ZNF789: variants seen among roughly 807,000 people sequenced by gnomAD.
ZNF789 encodes the protein zinc finger protein 789.
ZNF789 carries 11 observed loss-of-function variants against 15.6 expected under a neutral mutation model. The observed-to-expected ratio is 0.70, with a 90% CI of 0.44 to 1.16. ZNF789 has a LOEUF of 1.16. Ranked by LOEUF, ZNF789 falls within the 50% of genes most tolerant of loss-of-function variation. The probability of loss-of-function intolerance (pLI) is 0.00; values close to 1 mark genes in which losing one functional copy is unlikely to be tolerated. For synonymous variants in ZNF789, 159 were observed against 176.0 expected, an observed-to-expected ratio of 0.90 and a Z score of 0.76; for missense variants, 461 against 512.6, an observed-to-expected ratio of 0.90 and a Z score of 0.97.
chr7:99,483,721 T>A (rs1265471318), intron 3 of ZNF789: 1 of 781,094 alleles, frequency 1.3e-6, no homozygotes, highest in Non-Finnish European at 2.4e-6. Flanking sequence ...GATTTAATTG[T>A]TCCCTTTTGA....
intron 2 of ZNF789, chr7:99,478,351 A>G (rs1370337793): frequency 7.8e-7 from 1 of 1,289,686 alleles, no homozygotes; most frequent in African/African-American, 1.5e-5. Context: ...GACACTCTGG[A>G]TAATGGTGAG....
Position 99,484,092 on chromosome 7 carries a change from C to T in ZNF789, c.214C>T (p.Leu72=). 1 of 1,614,074 alleles carries T rather than the reference C, an allele frequency of 6.2e-7. No homozygotes were observed. The highest frequency in any genetic ancestry group is 8.5e-7 in the Non-Finnish European group (1 of 1,180,004). ...QLENWDEQWI[L]DLPRTGNRKA... ...GGAGAACTGGGACGAGCAGTGGATCCTGGATCTACCGAGAACTGGGAATAG... is the reference window on the plus strand; with the variant it reads ...GGAGAACTGGGACGAGCAGTGGATCTTGGATCTACCGAGAACTGGGAATAG... Residue 72 remains leucine, a synonymous_variant, in exon 4 of 5, where the codon CTG becomes TTG. Transcript: ENST00000331410.
chr7:99,485,284 C>A, intron 4 of ZNF789: 1 of 1,377,016 alleles, frequency 7.3e-7, no homozygotes, highest in Non-Finnish European at 1.0e-6. Flanking sequence ...TCTTTGGGGA[C>A]AGGATGGGGC....
At position 99,487,441 on chromosome 7, in the gene ZNF789, A is replaced by G; in HGVS notation, c.1231A>G (p.Ser411Gly). The part of the protein sequence containing the change: ...ICGKSFKWHT[S>G]FIKHQGTHKG... ...TGGAAAATCTTTCAAGTGGCACACA[A>G]GCTTTATTAAGCACCAGGGCACTCA... Residue 411 changes from serine to glycine, a missense_variant, in exon 5 of 5, where the codon AGC becomes GGC. By Grantham distance (56) the Ser-to-Gly change is moderately conservative. Transcript: ENST00000331410. 1 of 1,614,232 alleles carries G rather than the reference A, an allele frequency of 6.2e-7. No homozygotes were observed.
Position 99,479,254 on chromosome 7 carries a change from C to T in ZNF789, c.25-407C>T, listed in dbSNP as rs148067335. 5.1e-3 allele frequency: 833 copies of T among 163,754 alleles called. 6 individuals are homozygous for T. The highest frequency in any genetic ancestry group is 0.019 in the African/African-American group (794 of 41,926). The allele number at this position is 163,754 out of a possible 1,614,324, so 10.1% of individuals were successfully genotyped here. On this transcript the variant is annotated intron_variant, in intron 2 of 4. Coordinates refer to ENST00000331410, the MANE Select transcript of ZNF789 (RefSeq NM_213603.3). Reference sequence around the variant, plus strand: ...CAGCGGTCAGCAAACTGCCCTGGACCGCTTGGTAAAGTTTCCCTGAAACAC... The same window carrying T: ...CAGCGGTCAGCAAACTGCCCTGGACTGCTTGGTAAAGTTTCCCTGAAACAC...
intron 1 of ZNF789, among the ~76,000 whole-genome samples, chr7:99,474,057 G>A (rs900777730): frequency 6.6e-6 from 1 of 152,168 alleles, no homozygotes; most frequent in African/African-American, 2.4e-5. Context: ...CATGGCTGTG[G>A]GTGGTTGGCC....
At chr7:99,476,302 A>T in intron 1 of ZNF789, 101 bp from the exon 2 acceptor site, 2 of 691,996 alleles carry the variant, frequency 2.9e-6, no homozygotes, top group Non-Finnish European at 4.7e-6. Flanking sequence ...ACTTTGTATT[A>T]AGCTTTGTCT....
chr7:99,475,612 G>C (rs1799287127), intron 1 of ZNF789, among the ~76,000 whole-genome samples: 1 of 152,034 alleles, frequency 6.6e-6, no homozygotes, highest in Non-Finnish European at 1.5e-5. Context: ...ACTAGACTCG[G>C]ACATCCTGTG....
intron 3 of ZNF789, chr7:99,482,092 T>C (rs1799664732): frequency 1.3e-6 from 1 of 775,344 alleles, no homozygotes; most frequent in African/African-American, 1.7e-5. Context: ...TTCACTTATG[T>C]TTCATATACA....
At position 99,487,543 on chromosome 7, in the gene ZNF789, G is replaced by A; in HGVS notation, c.*55G>A. On this transcript the variant is annotated 3_prime_UTR_variant, in exon 5 of 5. Transcript: ENST00000331410. ...TAGAACTTATAAACCTCTACTTCAA[G>A]TGTGTATCACGTAATTGTTTCCATG... 1 of 1,540,038 alleles carries A rather than the reference G, an allele frequency of 6.5e-7. No individual in the cohort carries two copies. Among genetic ancestry groups the A allele is most frequent in the Non-Finnish European group, 8.8e-7 (1 of 1,142,010 alleles).
At position 99,478,395 on chromosome 7, in the gene ZNF789, T is replaced by C. The variant is rs141932766; in HGVS notation, c.25-1266T>C. ...TGCAACCGTAGCAGTGGAACTCAGG[T>C]TTGATAGGCAGGAAAGAAAGTCCGT... is the stretch of plus-strand genomic sequence containing the variant. On this transcript the variant is annotated intron_variant, in intron 2 of 4. Transcript: ENST00000331410. 6.3e-3 allele frequency: 8,038 copies of C among 1,282,236 alleles called. 38 individuals are homozygous for C. The highest frequency in any genetic ancestry group is 7.1e-3 in the Non-Finnish European group (6,949 of 982,300). 79.4% of individuals were successfully genotyped at this position (1,282,236 alleles called of 1,614,324 possible). A position where few individuals can be genotyped will look rare whatever the true frequency, so the allele number is the denominator to read the frequency against.
chr7:99,483,746 C>A, intron 3 of ZNF789: 2 of 781,044 alleles, frequency 2.6e-6, no homozygotes, highest in South Asian at 1.3e-5. Flanking sequence ...CAGTTTATTT[C>A]CAGTTTGATG....
At chr7:99,475,183 A>G (rs1799254705) in intron 1 of ZNF789, among the ~76,000 whole-genome samples, 1 of 152,150 alleles carries the variant, frequency 6.6e-6, no homozygotes, top group Admixed American at 6.5e-5. Flanking sequence ...ACCTGAGATC[A>G]GGAGTTCAAG....
intron 1 of ZNF789, among the ~76,000 whole-genome samples, chr7:99,473,393 G>C (rs1364897508): frequency 6.6e-6 from 1 of 152,146 alleles, no homozygotes; most frequent in African/African-American, 2.4e-5. Context: ...AGAGTTTATT[G>C]TGCATGCAGA....
At position 99,472,953 on chromosome 7, in the gene ZNF789, G is replaced by C. The variant is rs1383189086; in HGVS notation, c.-158G>C. The C allele has an allele frequency of 6.6e-6, 1 of 152,354 alleles. No individual in the cohort carries two copies. The highest frequency in any genetic ancestry group is 2.4e-5 in the African/African-American group (1 of 41,470). 9.4% of individuals were successfully genotyped at this position (152,354 alleles called of 1,614,324 possible). On this transcript the variant is annotated 5_prime_UTR_variant, in exon 1 of 5. Coordinates refer to ENST00000331410, the MANE Select transcript of ZNF789 (RefSeq NM_213603.3). Reference sequence around the variant, plus strand: ...TTCCTCCGGTAAGGGGTGATTCGCCGAGGGGCGCGGACCAGACAGACCTCG... The same window carrying C: ...TTCCTCCGGTAAGGGGTGATTCGCCCAGGGGCGCGGACCAGACAGACCTCG...
rs1799519258 is a variant in ZNF789 at position 99,479,711 on chromosome 7, G to C, written c.75G>C (p.Trp25Cys). The C allele has an allele frequency of 6.2e-7, 1 of 1,613,872 alleles. No individual in the cohort carries two copies. The highest frequency in any genetic ancestry group is 8.5e-7 in the Non-Finnish European group (1 of 1,179,910). Residue 25 changes from tryptophan (W) to cysteine (C), a missense_variant, in exon 3 of 5, where the codon TGG becomes TGC. Physicochemically the swap from Trp to Cys is radical, Grantham distance 215. Coordinates refer to ENST00000331410, the MANE Select transcript of ZNF789 (RefSeq NM_213603.3). ...DVAMYFTREE[W>C]GHLNWGQKDL... Reference sequence around the variant, plus strand: ...CGATGTACTTCACCAGAGAGGAGTGGGGCCACCTCAACTGGGGTCAGAAGG... The same window carrying C: ...CGATGTACTTCACCAGAGAGGAGTGCGGCCACCTCAACTGGGGTCAGAAGG...
At chr7:99,486,442 A>G in intron 4 of ZNF789, 34 bp from the exon 5 acceptor site, 1 of 1,575,650 alleles carries the variant, frequency 6.3e-7, no homozygotes, top group Non-Finnish European at 8.6e-7. Context: ...TGCAGTGGAT[A>G]GGTCATTTAC....
At chr7:99,476,607 A>C in intron 2 of ZNF789, 127 bp downstream of exon 2, 1 of 1,112,980 alleles carries the variant, frequency 9.0e-7, no homozygotes, top group South Asian at 1.9e-5. Context: ...TAGAGAGCTT[A>C]GCCTCTGGAG....
chr7:99,484,167 G>A (rs201595486), intron 4 of ZNF789, 24 bp downstream of exon 4: 8 of 1,587,580 alleles, frequency 5.0e-6, no homozygotes, highest in Middle Eastern at 1.7e-4. Flanking sequence ...AGACCCAGGC[G>A]AGTGGAATCA....
Sources: gnomAD v4.1 joint callset for allele counts (sites outside exome capture counted in the v4.1 genomes callset) on GRCh38, gnomAD v4.1.1 for gene constraint, MANE v1.5 for transcripts, NCBI Gene and HGNC (gene_info 2026-07-23, HGNC 2026-07-21) for gene names.